Variants in TRIP10 observed in about 807,000 individuals in gnomAD.
The protein encoded by TRIP10 is cdc42-interacting protein 4.
A neutral mutation model predicts 80.9 loss-of-function variants in TRIP10; 54 were observed. The ratio of observed to expected loss-of-function variants is 0.67; its 90% confidence interval spans 0.54 to 0.84. The LOEUF is 0.84. Among genes scored for constraint, TRIP10 ranks in the 40% least tolerant of loss-of-function variants. The pLI, the probability that TRIP10 is intolerant of heterozygous loss-of-function variation, is 0.00. For synonymous variants in TRIP10, 321 were observed against 307.2 expected, an observed-to-expected ratio of 1.04 and a Z score of -0.47; for missense variants, 773 against 815.3, an observed-to-expected ratio of 0.95 and a Z score of 0.63.
In TRIP10 at chr19:6,748,402, C is replaced by T. The variant is rs556284322; in HGVS notation, c.1263-1532C>T. 2.0e-5 allele frequency: 3 copies of T among 152,314 alleles called. No individual in the cohort carries two copies. The South Asian group carries it at 6.2e-4, about 32-fold the overall frequency. 9.4% of individuals were successfully genotyped at this position (152,314 alleles called of 1,614,324 possible). ...GTGCATGTTCTAGAGTCACGACAAA[C>T]TGGACTTGATTTCCAGCTTCATCTC... On this transcript the variant is annotated intron_variant, in intron 11 of 14. Coordinates refer to ENST00000313244, the MANE Select transcript of TRIP10 (RefSeq NM_001288962.2).
At chr19:6,741,759 C>G (rs994669866) in intron 3 of TRIP10, among the ~76,000 whole-genome samples, 13 of 152,278 alleles carry the variant, frequency 8.5e-5, no homozygotes, top group African/African-American at 2.9e-4. Context: ...CCCTGGAAAT[C>G]AAGTTGTTTT....
rs1325194208 is a variant in TRIP10, at chr19:6,741,133, C to T, written c.140+8C>T. On this transcript the variant is annotated splice_region_variant and intron_variant, in intron 2 of 14. Transcript: ENST00000313244. ...TTACGCCAAACAACTGCGGTGAGAC[C>T]CTGGGGTGGACGCTACGGAGGACGC... The T allele has an allele frequency of 6.2e-7, 1 of 1,613,978 alleles. No homozygotes were observed. Among genetic ancestry groups the T allele is most frequent in the African/African-American group, 1.3e-5 (1 of 74,932 alleles).
chr19:6,741,434 T>C (rs960230048), intron 3 of TRIP10, among the ~76,000 whole-genome samples, 153 bp downstream of exon 3: 2 of 152,206 alleles, frequency 1.3e-5, no homozygotes, highest in Non-Finnish European at 2.9e-5. Context: ...TTATCTGGCT[T>C]GGAATCCTGA....
chr19:6,739,691 G>GGGAGGGC lies in TRIP10; in HGVS notation c.-68_-62dup. ...CACCGCCCTCGGCTGAGTCTCCCCG[G>GGGAGGGC]GGAGGGCGGCGGGCGGCGGGCGGCG... is the stretch of plus-strand genomic sequence containing the variant. On this transcript the variant is annotated 5_prime_UTR_variant, in exon 1 of 15. Coordinates refer to ENST00000313244, the MANE Select transcript of TRIP10 (RefSeq NM_001288962.2). 8.0e-7 allele frequency: 1 copy of GGGAGGGC among 1,251,518 alleles called. No homozygotes were observed. The highest frequency in any genetic ancestry group is 1.0e-6 in the Non-Finnish European group (1 of 995,182). 77.5% of individuals were successfully genotyped at this position (1,251,518 alleles called of 1,614,324 possible).
At chr19:6,749,382 A>G (rs577164091) in intron 11 of TRIP10, among the ~76,000 whole-genome samples, 1 of 152,316 alleles carries the variant, frequency 6.6e-6, no homozygotes, top group South Asian at 2.1e-4. Context: ...TATTAGGATC[A>G]TTATCTCCAT....
intron 1 of TRIP10, among the ~76,000 whole-genome samples, chr19:6,740,030 G>C (rs1227472613): frequency 1.3e-5 from 2 of 152,162 alleles, no homozygotes; most frequent in African/African-American, 4.8e-5. Flanking sequence ...GAGGCGGGCA[G>C]AAGGAATCCT....
rs2145541575 is a variant in TRIP10, at chr19:6,744,823, G to A, written c.813G>A (p.Leu271=). ...PKNDSHVLIE[L]HKSGFARPGD... is the part of the protein sequence containing the mutation. ...AGGACTCCCACGTCCTTATAGAGCT[G>A]CACAAGTCAGGTTTTGCCCGCCCGG... The change falls in exon 9 of 15, where the codon CTG becomes CTA. Residue 271 remains leucine, a synonymous_variant. Coordinates refer to ENST00000313244, the MANE Select transcript of TRIP10 (RefSeq NM_001288962.2). This position sits in a 1 kb window ranked among gnomAD's most constrained non-coding sequence, Gnocchi z 4.9. 1 of 1,614,098 alleles carries A rather than the reference G, an allele frequency of 6.2e-7. No individual in the cohort carries two copies. The highest frequency in any genetic ancestry group is 1.1e-5 in the South Asian group (1 of 91,072).
intron 11 of TRIP10, among the ~76,000 whole-genome samples, chr19:6,749,111 T>C (rs894837893): frequency 6.6e-6 from 1 of 152,148 alleles, no homozygotes; most frequent in Non-Finnish European, 1.5e-5. Context: ...TAAAAATTAT[T>C]TTGATTTTTT....
intron 11 of TRIP10, among the ~76,000 whole-genome samples, chr19:6,747,185 G>T (rs897236643): frequency 6.6e-6 from 1 of 152,140 alleles, no homozygotes; most frequent in African/African-American, 2.4e-5. Flanking sequence ...TTAGCTGGGT[G>T]TGGTGGTTTG....
chr19:6,748,986 T>G (rs1031764916), intron 11 of TRIP10: 2 of 152,208 alleles, frequency 1.3e-5, no homozygotes, highest in Non-Finnish European at 2.9e-5. Context: ...CATGGATTTA[T>G]TCGAATTTTC....
At chr19:6,741,376 C>T in intron 3 of TRIP10, 95 bp downstream of exon 3, 1 of 1,391,346 alleles carries the variant, frequency 7.2e-7, no homozygotes, top group South Asian at 1.2e-5. Flanking sequence ...CCCACCGCTC[C>T]TCTCACTTCC....
At chr19:6,743,675 C>G in intron 6 of TRIP10, 33 bp from the exon 7 acceptor site, 1 of 1,612,580 alleles carries the variant, frequency 6.2e-7, no homozygotes, top group Middle Eastern at 1.7e-4. Context: ...GTGATCGGAA[C>G]CTGGCAGTAC....
chr19:6,743,284 T>G (rs1166313038), intron 5 of TRIP10, 28 bp downstream of exon 5: 2 of 1,611,948 alleles, frequency 1.2e-6, no homozygotes, highest in Admixed American at 3.3e-5. Flanking sequence ...GCAGTGACTG[T>G]GGCCCGGAGG....
intron 11 of TRIP10, among the ~76,000 whole-genome samples, chr19:6,749,350 C>T (rs1008567830): frequency 1.3e-5 from 2 of 152,088 alleles, no homozygotes; most frequent in African/African-American, 4.8e-5. Context: ...TTGTATTAAT[C>T]CTCACAGTGA....
At chr19:6,740,913 C>G in intron 1 of TRIP10, 97 bp from the exon 2 acceptor site, 9 of 1,110,098 alleles carry the variant, frequency 8.1e-6, no homozygotes, top group Non-Finnish European at 1.2e-5. Context: ...GAGCGCAGAG[C>G]CTTGGCCCTC....
chr19:6,749,722 G>A (rs561941785), intron 11 of TRIP10, among the ~76,000 whole-genome samples: 6 of 152,118 alleles, frequency 3.9e-5, no homozygotes, highest in Admixed American at 2.0e-4. Flanking sequence ...GTGGTGATGC[G>A]GGTCTATAGT....
rs11318244 is a variant in TRIP10, at chr19:6,747,986, T to TA, written c.1262+1438dup. 1.3e-3 allele frequency among the ~76,000 whole-genome samples: 198 copies of TA among 146,820 alleles called. 1 individual carries two copies. Among genetic ancestry groups the TA allele is most frequent in the African/African-American group, 3.2e-3 (131 of 40,486 alleles). ...AACCCAAGTAAATTTTTTTAAAAAC[T>TA]AAAAAAAAAAAAATCCACCATTGGT... On this transcript the variant is annotated intron_variant, in intron 11 of 14. Coordinates refer to ENST00000313244, the MANE Select transcript of TRIP10 (RefSeq NM_001288962.2).
In TRIP10 at chr19:6,743,121, A is replaced by G; in HGVS notation, c.345+7A>G. 2 of 1,614,126 alleles carry G rather than the reference A, an allele frequency of 1.2e-6. No homozygotes were observed. Among genetic ancestry groups the G allele is most frequent in the Non-Finnish European group, 8.5e-7 (1 of 1,180,008 alleles). ...GAAACAGGAGAGGAAGATGGTGAGG[A>G]GCCCCCCGATTCAGGTTTTACAAAG... On this transcript the variant is annotated splice_region_variant and intron_variant, in intron 4 of 14. Transcript: ENST00000313244.
rs1054552755 is a variant in TRIP10, at chr19:6,745,146, C to T, written c.984+152C>T. On this transcript the variant is annotated intron_variant, in intron 9 of 14. Coordinates refer to ENST00000313244, the MANE Select transcript of TRIP10 (RefSeq NM_001288962.2). This position sits in a 1 kb window ranked among gnomAD's most constrained non-coding sequence, Gnocchi z 7.2. ...CAGCCCGGACTGGAGGGAAGGAAGG[C>T]GGCCGATTGGCCTGGGAGTCCCCCG... The T allele has an allele frequency of 2.7e-4, 306 of 1,122,294 alleles. No individual in the cohort carries two copies. The African/African-American group carries it at 3.6e-3, about 13-fold the overall frequency. 69.5% of individuals were successfully genotyped at this position (1,122,294 alleles called of 1,614,324 possible).
Sources: gnomAD v4.1 joint callset for allele counts (sites outside exome capture counted in the v4.1 genomes callset) on GRCh38, gnomAD v4.1.1 for gene constraint, Gnocchi (gnomAD v3.1) non-coding constraint, MANE v1.5 for transcripts, NCBI Gene and HGNC (gene_info 2026-07-23, HGNC 2026-07-21) for gene names.